RBFOX1: variants seen among roughly 807,000 people sequenced by gnomAD.
The protein encoded by RBFOX1 is RNA binding fox-1 homolog 1.
A neutral mutation model predicts 57.7 loss-of-function variants in RBFOX1; 8 were observed. The ratio of observed to expected loss-of-function variants is 0.14; its 90% CI spans 0.08 to 0.25. The LOEUF is 0.25. RBFOX1 is among the 10% of genes least tolerant of loss of function. The pLI is 1.00. For synonymous variants in RBFOX1, 326 were observed against 222.4 expected, an observed-to-expected ratio of 1.47 and a Z score of -4.15; for missense variants, 611 against 548.5, an observed-to-expected ratio of 1.11 and a Z score of -1.14.
intron 1 of RBFOX1, among the ~76,000 whole-genome samples, chr16:6,310,364 T>G (rs1161673758): frequency 1.3e-5 from 2 of 152,250 alleles, no homozygotes; most frequent in Non-Finnish European, 2.9e-5. Context: ...GAAAGTCATC[T>G]GGATGATCTT....
At chr16:7,440,594 T>G (rs1015918056) in intron 4 of RBFOX1, among the ~76,000 whole-genome samples, 4 of 152,202 alleles carry the variant, frequency 2.6e-5, no homozygotes, top group African/African-American at 9.6e-5. Context: ...TTTCATACTT[T>G]TAATCTGGAG....
At chr16:6,999,233 T>C (rs533843404) in intron 3 of RBFOX1, among the ~76,000 whole-genome samples, 1 of 146,256 alleles carries the variant, frequency 6.8e-6, no homozygotes, top group African/African-American at 2.5e-5. Flanking sequence ...TTATTTATTT[T>C]TTTTTTTAGA....
intron 3 of RBFOX1, among the ~76,000 whole-genome samples, chr16:6,776,761 C>G (rs1248636207): frequency 6.6e-6 from 1 of 152,200 alleles, no homozygotes; most frequent in Non-Finnish European, 1.5e-5. Context: ...CTTTTCTGCA[C>G]TAATGCAATC....
chr16:5,863,125 C>G (rs1235483675), intron 3 of RBFOX1, among the ~76,000 whole-genome samples: 1 of 152,130 alleles, frequency 6.6e-6, no homozygotes, highest in African/African-American at 2.4e-5. Flanking sequence ...CTTTATGTCT[C>G]CAATCTCAGT....
intron 3 of RBFOX1, among the ~76,000 whole-genome samples, chr16:6,738,245 A>T (rs973846018): frequency 2.6e-5 from 4 of 152,120 alleles, no homozygotes; most frequent in Non-Finnish European, 4.4e-5. Flanking sequence ...TGACAGGAGC[A>T]AAGGATGTGA....
At chr16:6,949,159 A>C (rs1352666608) in intron 3 of RBFOX1, among the ~76,000 whole-genome samples, 1 of 151,940 alleles carries the variant, frequency 6.6e-6, no homozygotes, top group Non-Finnish European at 1.5e-5. Flanking sequence ...GCCTTCCCCC[A>C]CCCCCCTGAA....
chr16:7,360,406 C>T (rs2097298911), intron 4 of RBFOX1, among the ~76,000 whole-genome samples: 1 of 152,106 alleles, frequency 6.6e-6, no homozygotes, highest in African/African-American at 2.4e-5. Flanking sequence ...TACAGTGTGC[C>T]TGTATGTATG....
At chr16:6,974,849 C>T (rs752181100) in intron 3 of RBFOX1, among the ~76,000 whole-genome samples, 1 of 152,148 alleles carries the variant, frequency 6.6e-6, no homozygotes, top group Non-Finnish European at 1.5e-5. Context: ...ATTTTACTCG[C>T]ATTCAGTGCT....
intron 4 of RBFOX1, among the ~76,000 whole-genome samples, chr16:7,404,341 C>G (rs1449976833): frequency 6.6e-6 from 1 of 152,178 alleles, no homozygotes; most frequent in Admixed American, 6.5e-5. Flanking sequence ...GCATAAGCCA[C>G]CGTGCCCAGC....
chr16:7,479,356 C>G (rs985088382), intron 4 of RBFOX1, among the ~76,000 whole-genome samples: 31 of 152,052 alleles, frequency 2.0e-4, no homozygotes, highest in African/African-American at 7.5e-4. Context: ...GTCTTGAACT[C>G]CTGGGCTCAG....
Position 5,773,964 on chromosome 16 carries a change from T to G in RBFOX1, c.319-93339T>G, listed in dbSNP as rs566056479. 2.6e-5 allele frequency among the ~76,000 whole-genome samples: 4 copies of G among 152,326 alleles called. No homozygotes were observed. In the East Asian group the frequency reaches 7.7e-4, roughly 29 times the overall value. ...GCCTCAGCCTCCCAAAGTGCTAGGA[T>G]TATAGGCCTGAGCCACCATGCTTGG... On this transcript the variant is annotated intron_variant, in intron 3 of 19. Coordinates refer to the RBFOX1 transcript ENST00000641259.
At chr16:6,669,754 A>G (rs1052348364) in intron 3 of RBFOX1, among the ~76,000 whole-genome samples, 1 of 152,140 alleles carries the variant, frequency 6.6e-6, no homozygotes, top group African/African-American at 2.4e-5. Context: ...GGAGGACAGA[A>G]CCTTCAGAAT....
intron 2 of RBFOX1, among the ~76,000 whole-genome samples, chr16:6,652,314 G>T (rs2098602901): frequency 6.6e-6 from 1 of 152,100 alleles, no homozygotes; most frequent in Admixed American, 6.6e-5. Context: ...TGGGGGTTGT[G>T]GTGCATGTCG....
intron 4 of RBFOX1, among the ~76,000 whole-genome samples, chr16:5,923,503 C>G (rs539974792): frequency 1.7e-4 from 26 of 151,062 alleles, no homozygotes; most frequent in African/African-American, 5.8e-4. Flanking sequence ...CGAATTCAGA[C>G]CTAGATCATC....
At chr16:7,504,739 A>ATATATATT (rs2072371044) in intron 4 of RBFOX1, among the ~76,000 whole-genome samples, 7 of 7,908 alleles carry the variant, frequency 8.9e-4, no homozygotes, top group Admixed American at 1.6e-3. Context: ...ATATATATAT[A>ATATATATT]TATATATATA....
At chr16:5,319,773 G>A (rs1316003689) in intron 1 of RBFOX1, among the ~76,000 whole-genome samples, 1 of 152,220 alleles carries the variant, frequency 6.6e-6, no homozygotes. Context: ...ACAGTTTATG[G>A]TAGATGCTGG....
At chr16:7,030,991 A>G (rs1052420143) in intron 3 of RBFOX1, among the ~76,000 whole-genome samples, 4 of 152,192 alleles carry the variant, frequency 2.6e-5, no homozygotes, top group Non-Finnish European at 5.9e-5. Context: ...GAGCAGAATG[A>G]TCCTGCAGAA....
chr16:6,418,408 C>T (rs183798066), intron 2 of RBFOX1, among the ~76,000 whole-genome samples: 1 of 151,866 alleles, frequency 6.6e-6, no homozygotes, highest in Non-Finnish European at 1.5e-5. Flanking sequence ...GTCTATAAAC[C>T]TGGGAGTTAT....
chr16:6,793,898 A>C (rs183027654), intron 3 of RBFOX1, among the ~76,000 whole-genome samples: 1 of 152,156 alleles, frequency 6.6e-6, no homozygotes, highest in Non-Finnish European at 1.5e-5. Context: ...TGAAACATCT[A>C]TCTCCCTCTT....
Sources: gnomAD v4.1 joint callset for allele counts (sites outside exome capture counted in the v4.1 genomes callset) on GRCh38, gnomAD v4.1.1 for gene constraint, MANE v1.5 for transcripts, NCBI Gene and HGNC (gene_info 2026-07-23, HGNC 2026-07-21) for gene names.